LRMDA: variants seen among roughly 807,000 people sequenced by gnomAD.
LRMDA encodes the protein leucine-rich melanocyte differentiation-associated protein.
LRMDA carries 18 observed loss-of-function variants against 29.8 expected under a neutral mutation model. The observed-to-expected ratio is 0.60, with a 90% CI of 0.42 to 0.90. The LOEUF is 0.90. LRMDA is among the 40% of genes least tolerant of loss of function. The probability of loss-of-function intolerance (pLI) is 0.00; values close to 1 mark genes in which losing one functional copy is unlikely to be tolerated. For synonymous variants in LRMDA, 125 were observed against 109.4 expected (o/e 1.14, Z -0.89); for missense variants, 273 against 273.9 (o/e 1.00, Z 0.02).
chr10:76,234,923 A>G (rs1852124941), intron 5 of LRMDA, among the ~76,000 whole-genome samples: 2 of 152,198 alleles, frequency 1.3e-5, no homozygotes, highest in Admixed American at 6.5e-5. Context: ...CTTATCATTC[A>G]TGTGCTCACT....
intron 6 of LRMDA, among the ~76,000 whole-genome samples, chr10:76,411,929 G>A (rs1005404040): frequency 6.6e-6 from 1 of 152,266 alleles, no homozygotes; most frequent in African/African-American, 2.4e-5. Context: ...TTCACTTGGT[G>A]AGAAATCCAC....
chr10:75,601,002 TG>T (rs1840878596), intron 2 of LRMDA, among the ~76,000 whole-genome samples: 1 of 152,240 alleles, frequency 6.6e-6, no homozygotes, highest in African/African-American at 2.4e-5. Context: ...TTGTTTACCT[TG>T]AAAACGCACT....
At chr10:76,451,635 T>C (rs189908961) in intron 6 of LRMDA, among the ~76,000 whole-genome samples, 78 of 150,614 alleles carry the variant, frequency 5.2e-4, no homozygotes, top group African/African-American at 1.8e-3. Context: ...GAAGTGCTTC[T>C]CCAATGCTTT....
intron 6 of LRMDA, among the ~76,000 whole-genome samples, chr10:76,486,303 A>G (rs373195184): frequency 5.3e-5 from 8 of 151,996 alleles, no homozygotes; most frequent in Admixed American, 2.6e-4. Context: ...AGCCTTTTCT[A>G]TATTCCCTGA....
At chr10:76,335,305 C>G (rs1840953802) in intron 6 of LRMDA, among the ~76,000 whole-genome samples, 1 of 152,182 alleles carries the variant, frequency 6.6e-6, no homozygotes, top group African/African-American at 2.4e-5. Context: ...ATGTCTCCCA[C>G]ATGAGGATTT....
chr10:76,555,131 A>G (rs1027566453), intron 6 of LRMDA, among the ~76,000 whole-genome samples: 7 of 152,128 alleles, frequency 4.6e-5, no homozygotes, highest in African/African-American at 1.7e-4. Context: ...ACTCCCACCC[A>G]GGCCTGTAGT....
At chr10:75,583,144 C>T (rs1402034370) in intron 2 of LRMDA, among the ~76,000 whole-genome samples, 1 of 152,220 alleles carries the variant, frequency 6.6e-6, no homozygotes, top group East Asian at 1.9e-4. Flanking sequence ...TCCACACTCT[C>T]CCAACCTCTG....
chr10:76,530,096 C>G (rs564313731), intron 6 of LRMDA, among the ~76,000 whole-genome samples: 4 of 152,106 alleles, frequency 2.6e-5, no homozygotes, highest in Non-Finnish European at 4.4e-5. Context: ...CTTCATTTGG[C>G]AATGGATAGG....
At chr10:75,953,605 C>G (rs948407123) in intron 2 of LRMDA, among the ~76,000 whole-genome samples, 1 of 152,142 alleles carries the variant, frequency 6.6e-6, no homozygotes, top group Non-Finnish European at 1.5e-5. Flanking sequence ...TCTGCTACCC[C>G]TTGGTCAAAA....
intron 2 of LRMDA, among the ~76,000 whole-genome samples, chr10:75,665,460 T>C (rs748567646): frequency 2.6e-5 from 4 of 152,148 alleles, no homozygotes; most frequent in Non-Finnish European, 5.9e-5. Context: ...ATTAGAACCA[T>C]TGTAAGATAT....
At chr10:75,782,375 G>GTT (rs1166660973) in intron 2 of LRMDA, among the ~76,000 whole-genome samples, 2 of 152,138 alleles carry the variant, frequency 1.3e-5, no homozygotes, top group Non-Finnish European at 2.9e-5. Flanking sequence ...AATAAGTTCA[G>GTT]TTTGTCTTTT....
chr10:76,034,195 T>G (rs982569291), intron 2 of LRMDA, among the ~76,000 whole-genome samples: 10 of 152,082 alleles, frequency 6.6e-5, no homozygotes, highest in Non-Finnish European at 1.0e-4. Flanking sequence ...ATTTTTTTTT[T>G]GTTTGTATTT....
chr10:76,239,341 C>T (rs1423512963), intron 5 of LRMDA, among the ~76,000 whole-genome samples: 1 of 152,158 alleles, frequency 6.6e-6, no homozygotes, highest in Admixed American at 6.5e-5. Flanking sequence ...AACATGGTCA[C>T]CATGTCATTA....
At chr10:75,637,480 A>G (rs1841402695) in intron 2 of LRMDA, among the ~76,000 whole-genome samples, 1 of 152,094 alleles carries the variant, frequency 6.6e-6, no homozygotes, top group Non-Finnish European at 1.5e-5. Flanking sequence ...GAGTGGAGGG[A>G]GACATGGGGA....
At chr10:75,674,078 A>C (rs187333585) in intron 2 of LRMDA, among the ~76,000 whole-genome samples, 1 of 152,232 alleles carries the variant, frequency 6.6e-6, no homozygotes, top group South Asian at 2.1e-4. Flanking sequence ...CTTTGAGAAA[A>C]TATATGGAAT....
chr10:75,898,423 T>C (rs1845618939), intron 2 of LRMDA, among the ~76,000 whole-genome samples: 1 of 152,140 alleles, frequency 6.6e-6, no homozygotes, highest in Non-Finnish European at 1.5e-5. Context: ...GACACTGCTG[T>C]ATCATAAATG....
chr10:75,947,933 G>A (rs551971134), intron 2 of LRMDA, among the ~76,000 whole-genome samples: 11 of 152,276 alleles, frequency 7.2e-5, no homozygotes, highest in African/African-American at 2.6e-4. Flanking sequence ...CGTCCTCACA[G>A]GGAGACTGTA....
intron 2 of LRMDA, among the ~76,000 whole-genome samples, chr10:75,931,014 G>C (rs963666616): frequency 6.6e-6 from 1 of 152,166 alleles, no homozygotes; most frequent in African/African-American, 2.4e-5. Flanking sequence ...AAAGTTGCAG[G>C]ATTTTGCCAA....
chr10:75,575,249 T>C (rs1840489326), intron 2 of LRMDA, among the ~76,000 whole-genome samples: 1 of 152,156 alleles, frequency 6.6e-6, no homozygotes, highest in African/African-American at 2.4e-5. Flanking sequence ...ATCCAAACCA[T>C]ATCATTCTGC....
Sources: gnomAD v4.1 joint callset for allele counts (sites outside exome capture counted in the v4.1 genomes callset) on GRCh38, gnomAD v4.1.1 for gene constraint, MANE v1.5 for transcripts, NCBI Gene and HGNC (gene_info 2026-07-23, HGNC 2026-07-21) for gene names.